ASXL2: variants seen among roughly 807,000 people sequenced by gnomAD.
ASXL2 encodes ASXL transcriptional regulator 2, also known as putative Polycomb group protein ASXL2.
In ASXL2, 23 loss-of-function variants were observed where a neutral mutation model predicts 122.0. The observed-to-expected ratio is 0.19, with a 90% CI of 0.14 to 0.27. ASXL2 has a LOEUF of 0.27. Ranked by LOEUF, ASXL2 falls within the 10% of genes least tolerant of loss-of-function variation. The probability of loss-of-function intolerance (pLI) is 1.00; values close to 1 mark genes in which losing one functional copy is unlikely to be tolerated. For missense variants in ASXL2, 1,518 were observed against 1,713.8 expected, an observed-to-expected ratio of 0.89 and a Z score of 2.02; for synonymous variants, 650 against 637.0, an observed-to-expected ratio of 1.02 and a Z score of -0.31.
At chr2:25,859,829 T>C (rs531893742) in intron 1 of ASXL2, among the ~76,000 whole-genome samples, 14 of 152,272 alleles carry the variant, frequency 9.2e-5, no homozygotes, top group African/African-American at 3.1e-4. Context: ...CCCCTAAATA[T>C]TTGGAAACTA....
chr2:25,862,582 G>T (rs964854086), intron 1 of ASXL2, among the ~76,000 whole-genome samples: 14 of 152,202 alleles, frequency 9.2e-5, no homozygotes, highest in Middle Eastern at 3.4e-3. Context: ...TAAGGATAAA[G>T]AATAATTTGT....
At position 25,744,089 on chromosome 2, in the gene ASXL2, T is replaced by G; in HGVS notation, c.2248A>C (p.Thr750Pro). 6.2e-7 allele frequency: 1 copy of G among 1,613,848 alleles called. No homozygotes were observed. Among genetic ancestry groups the G allele is most frequent in the Middle Eastern group, 1.6e-4 (1 of 6,062 alleles). ...GTCTTGGTCTCAGACTGGGGCTGAG[T>G]CTCTGGACCACAGGGTAAAAGCTCT... Reference protein sequence around the residue: ...TRELLPCGPETQPQSETKTTP... With the variant: ...TRELLPCGPEPQPQSETKTTP... Residue 750 changes from threonine to proline, a missense_variant, in exon 13 of 13, where the codon ACT becomes CCT. Physicochemically the swap from Thr to Pro is conservative, Grantham distance 38 (BLOSUM62 -1). Transcript: ENST00000435504. The surrounding 1 kb of genome is among the most constrained non-coding windows in gnomAD (Gnocchi z 4.7).
At chr2:25,782,257 A>C (rs2088655629) in intron 5 of ASXL2, among the ~76,000 whole-genome samples, 1 of 151,714 alleles carries the variant, frequency 6.6e-6, no homozygotes, top group Admixed American at 6.6e-5. Context: ...GATATAAACA[A>C]CTCTAGGCCA....
intron 1 of ASXL2, among the ~76,000 whole-genome samples, chr2:25,854,562 C>T (rs1395596510): frequency 3.9e-5 from 6 of 152,226 alleles, no homozygotes; most frequent in African/African-American, 9.6e-5. Context: ...CCAACCACTT[C>T]GGTGGCTCTG....
At chr2:25,820,005 G>A (rs1365662552) in intron 3 of ASXL2, among the ~76,000 whole-genome samples, 1 of 152,120 alleles carries the variant, frequency 6.6e-6, no homozygotes, top group East Asian at 1.9e-4. Flanking sequence ...GAACTCCTGG[G>A]CTCAAATTTA....
In ASXL2 at chr2:25,876,966, G is replaced by A. The variant is rs6753753; in HGVS notation, c.57+1200C>T. Among the ~76,000 whole-genome samples the A allele has an allele frequency of 5.1e-3, 771 of 152,274 alleles. 6 individuals are homozygous for A. Among genetic ancestry groups the A allele is most frequent in the African/African-American group, 0.018 (743 of 41,542 alleles). ...TTTGGGGAAATAAAGAGACTAGACGGTAATATACCAAATGTTAGCAGATAC... is the reference window on the plus strand; with the variant it reads ...TTTGGGGAAATAAAGAGACTAGACGATAATATACCAAATGTTAGCAGATAC... On this transcript the variant is annotated intron_variant, in intron 1 of 12. Coordinates refer to ENST00000435504, the MANE Select transcript of ASXL2 (RefSeq NM_018263.6).
At position 25,734,519 on chromosome 2, in the gene ASXL2, T is replaced by C. The variant is rs1241155132; in HGVS notation, c.*7510A>G. The C allele has an allele frequency of 6.6e-6, 1 of 152,248 alleles. No individual in the cohort carries two copies. The highest frequency in any genetic ancestry group is 1.5e-5 in the Non-Finnish European group (1 of 68,036). 9.4% of individuals were successfully genotyped at this position (152,248 alleles called of 1,614,324 possible). A position where few individuals can be genotyped will look rare whatever the true frequency, so the allele number is the denominator to read the frequency against. On this transcript the variant is annotated 3_prime_UTR_variant, in exon 13 of 13. Coordinates refer to ENST00000435504, the MANE Select transcript of ASXL2 (RefSeq NM_018263.6). ...TTAAAAGAATGTAAAATTTTATGTA[T>C]GATACTTTCCATAGGAAAGACATAA...
chr2:25,745,184 TACAAATC>T (rs2087920654), intron 12 of ASXL2, among the ~76,000 whole-genome samples: 1 of 151,418 alleles, frequency 6.6e-6, no homozygotes, highest in Admixed American at 6.6e-5. Context: ...CCCAAAAAAT[TACAAATC>T]AGAACCCCCA....
chr2:25,786,020 T>G (rs1184009495), intron 5 of ASXL2, among the ~76,000 whole-genome samples: 1 of 152,182 alleles, frequency 6.6e-6, no homozygotes, highest in Non-Finnish European at 1.5e-5. Flanking sequence ...TGATTAATAA[T>G]ATATCACAAC....
At chr2:25,755,761 C>T (rs186912803) in intron 10 of ASXL2, among the ~76,000 whole-genome samples, 22 of 152,218 alleles carry the variant, frequency 1.4e-4, no homozygotes, top group South Asian at 1.0e-3. Flanking sequence ...AGGAGCAGGG[C>T]CCAAAAATCT....
At chr2:25,824,077 G>C (rs1236625243) in intron 3 of ASXL2, among the ~76,000 whole-genome samples, 1 of 152,112 alleles carries the variant, frequency 6.6e-6, no homozygotes, top group African/African-American at 2.4e-5. Context: ...AAAACTAAAT[G>C]TGTTGTCCTC....
chr2:25,870,809 G>A (rs2089957137), intron 1 of ASXL2, among the ~76,000 whole-genome samples: 1 of 151,808 alleles, frequency 6.6e-6, no homozygotes, highest in Admixed American at 6.6e-5. Flanking sequence ...GTATATACGA[G>A]GTAAAAAAAA....
At chr2:25,866,163 G>A (rs1314312070) in intron 1 of ASXL2, among the ~76,000 whole-genome samples, 2 of 145,444 alleles carry the variant, frequency 1.4e-5, no homozygotes, top group South Asian at 2.1e-4. Flanking sequence ...GTGGAGTCTC[G>A]CTCTGTCGCA....
chr2:25,836,966 A>G (rs2149189180), intron 2 of ASXL2, among the ~76,000 whole-genome samples: 1 of 151,716 alleles, frequency 6.6e-6, no homozygotes, highest in African/African-American at 2.4e-5. Flanking sequence ...AGAACTGAAT[A>G]TTTTACTATT....
chr2:25,747,296 T>C (rs766968578), intron 12 of ASXL2, among the ~76,000 whole-genome samples: 1 of 152,190 alleles, frequency 6.6e-6, no homozygotes, highest in Non-Finnish European at 1.5e-5. Context: ...TGTAACTAAG[T>C]TATAACATTT....
rs1354114131 is a variant in ASXL2 at position 25,750,248 on chromosome 2, C to A, written c.1308G>T (p.Leu436Phe). The A allele has an allele frequency of 4.3e-6, 7 of 1,613,874 alleles. No homozygotes were observed. In the African/African-American group the frequency reaches 9.3e-5, roughly 22 times the overall value. Residue 436 changes from leucine to phenylalanine, a missense_variant, in exon 12 of 13, where the codon TTG (leucine) becomes TTT (phenylalanine). Coordinates refer to ENST00000435504, the MANE Select transcript of ASXL2 (RefSeq NM_018263.6). ...CTTTTCTGCCTGGTGATGACATTTG[C>A]AATGCTTCTTCTTTACACTCTGACT... ...VSQSECKEEA[L>F]QMSSPGRKEE...
chr2:25,847,863 GTAAATGATAAACAA>G (rs1316398410), intron 1 of ASXL2, among the ~76,000 whole-genome samples: 3 of 152,024 alleles, frequency 2.0e-5, no homozygotes, highest in Non-Finnish European at 4.4e-5. Flanking sequence ...ATTATAGAAG[GTAAATGATAAACAA>G]AGATATTCAC....
At chr2:25,794,971 C>T (rs542389409) in intron 5 of ASXL2, among the ~76,000 whole-genome samples, 1 of 152,176 alleles carries the variant, frequency 6.6e-6, no homozygotes, top group African/African-American at 2.4e-5. Flanking sequence ...ATAATATATA[C>T]CTACAAATTA....
At chr2:25,845,008 A>C (rs188953747) in intron 2 of ASXL2, among the ~76,000 whole-genome samples, 1 of 152,154 alleles carries the variant, frequency 6.6e-6, no homozygotes, top group South Asian at 2.1e-4. Context: ...TAATGGCCCA[A>C]GTCTATTATA....
Sources: allele counts gnomAD v4.1 joint callset (sites outside exome capture counted in the v4.1 genomes callset), GRCh38; gene constraint gnomAD v4.1.1; non-coding constraint Gnocchi (gnomAD v3.1); transcripts MANE v1.5; gene names NCBI Gene and HGNC (gene_info 2026-07-23, HGNC 2026-07-21).